LRP2: variants seen among roughly 807,000 people sequenced by gnomAD.
LRP2 encodes the protein LDL receptor related protein 2.
LRP2 carries 172 observed loss-of-function variants against 531.0 expected under a neutral mutation model. The ratio of observed to expected loss-of-function variants is 0.32; its 90% CI spans 0.29 to 0.37. The LOEUF (loss-of-function observed/expected upper bound fraction) is 0.37, where lower values mean the gene tolerates loss of function less well. LRP2 is among the 10% of genes least tolerant of loss of function. The pLI is 1.00. For synonymous variants in LRP2, 1,992 were observed against 2,027.6 expected (o/e 0.98, Z 0.47); for missense variants, 5,167 against 5,868.3 (o/e 0.88, Z 3.90).
At chr2:169,296,994 C>T (rs1684149113) in intron 4 of LRP2, among the ~76,000 whole-genome samples, 1 of 152,182 alleles carries the variant, frequency 6.6e-6, no homozygotes, top group Non-Finnish European at 1.5e-5. Context: ...CCCCTCTCAA[C>T]CCCTGCACAC....
intron 76 of LRP2, among the ~76,000 whole-genome samples, chr2:169,135,371 C>T (rs1306257106): frequency 1.3e-5 from 2 of 152,186 alleles, no homozygotes; most frequent in Non-Finnish European, 2.9e-5. Flanking sequence ...TGGGTAGACA[C>T]TTTCACAGGA....
chr2:169,259,387 T>C (rs1230520408), intron 16 of LRP2, among the ~76,000 whole-genome samples, 170 bp from the exon 17 acceptor site: 1 of 144,292 alleles, frequency 6.9e-6, no homozygotes, highest in Non-Finnish European at 1.5e-5. Context: ...TGCTGAGCAA[T>C]AACATGAGAC....
chr2:169,314,424 T>A (rs866448304), intron 3 of LRP2, among the ~76,000 whole-genome samples: 1 of 143,896 alleles, frequency 6.9e-6, no homozygotes, highest in Non-Finnish European at 1.5e-5. Flanking sequence ...CCCCTGTCTC[T>A]AAAAAAAAAA....
intron 6 of LRP2, 110 bp from the exon 7 acceptor site, chr2:169,292,479 C>T (rs1183930346): frequency 1.3e-6 from 1 of 776,890 alleles, no homozygotes; most frequent in African/African-American, 1.7e-5. Context: ...ATTTCTATAT[C>T]AATTTAATCC....
Position 169,201,864 on chromosome 2 carries a change from T to A in LRP2, c.8216A>T (p.His2739Leu). ...GGTGAAGGCTGTCGGTGAGCAGGTG[T>A]GAAGTGCTAAGAACAGGAAAAACAT... ...SDEMESVCAL[H>L]TCSPTAFTCA... The change falls in exon 44 of 79, where the codon CAC becomes CTC. Residue 2739 changes from histidine (H) to leucine (L), a missense_variant. Physicochemically the swap from His to Leu is moderately conservative, Grantham distance 99. This residue lies in a region of LRP2 where 1,129 missense variants were observed against 1,362.7 expected (regional missense o/e 0.83). Coordinates refer to ENST00000649046, the MANE Select transcript of LRP2 (RefSeq NM_004525.3). The A allele has an allele frequency of 6.2e-7, 1 of 1,614,114 alleles. No individual in the cohort carries two copies. The highest frequency in any genetic ancestry group is 8.5e-7 in the Non-Finnish European group (1 of 1,180,022).
chr2:169,212,080 C>T lies in LRP2; in HGVS notation c.6168G>A (p.Arg2056=). The T allele has an allele frequency of 6.2e-7, 1 of 1,614,016 alleles. No individual in the cohort carries two copies. The highest frequency in any genetic ancestry group is 8.5e-7 in the Non-Finnish European group (1 of 1,179,934). Residue 2056 remains arginine, a synonymous_variant, in exon 37 of 79, where the codon CGG becomes CGA. Coordinates refer to ENST00000649046, the MANE Select transcript of LRP2 (RefSeq NM_004525.3). ...ATGFKLNPDN[R]SCSPYNSFIV... ...TGAAAGAGTTATATGGAGAGCAGGA[C>T]CGATTATCAGGATTGAGTTTAAATC... is the stretch of plus-strand genomic sequence containing the variant.
At chr2:169,283,152 T>C in intron 9 of LRP2, 151 bp from the exon 10 acceptor site, 1 of 749,970 alleles carries the variant, frequency 1.3e-6, no homozygotes, top group Non-Finnish European at 2.4e-6. Context: ...TCTGAGAATT[T>C]ATAACAACCA....
At chr2:169,292,186 G>A in intron 7 of LRP2, 67 bp downstream of exon 7, 1 of 1,244,966 alleles carries the variant, frequency 8.0e-7, no homozygotes, top group Non-Finnish European at 1.2e-6. Context: ...AAGGAAAGGA[G>A]AAAAAACAAG....
At chr2:169,162,098 A>G (rs1229582750) in intron 63 of LRP2, among the ~76,000 whole-genome samples, 2 of 152,216 alleles carry the variant, frequency 1.3e-5, no homozygotes, top group Admixed American at 6.5e-5. Flanking sequence ...TTAAAGTGCT[A>G]AGAGGCACCC....
At chr2:169,337,753 C>T (rs1685443418) in intron 1 of LRP2, among the ~76,000 whole-genome samples, 2 of 152,174 alleles carry the variant, frequency 1.3e-5, no homozygotes, top group Admixed American at 1.3e-4. Flanking sequence ...TGTATGCATG[C>T]ATGTACATCT....
In LRP2 at chr2:169,193,795, C is replaced by T; in HGVS notation, c.8796G>A (p.Gly2932=). 1 of 1,614,134 alleles carries T rather than the reference C, an allele frequency of 6.2e-7. No individual in the cohort carries two copies. Among genetic ancestry groups the T allele is most frequent in the South Asian group, 1.1e-5 (1 of 91,076 alleles). The part of the protein sequence containing the change: ...EWICDGDNDC[G]DMSDEDKRHQ... ...GCCTTTTATCCTCGTCACTCATATCCCCACAGTCATTATCACCGTCACAGA... is the reference window on the plus strand; with the variant it reads ...GCCTTTTATCCTCGTCACTCATATCTCCACAGTCATTATCACCGTCACAGA... Residue 2932 remains glycine, a synonymous_variant, in exon 47 of 79, where the codon GGG becomes GGA. Transcript: ENST00000649046.
chr2:169,228,800 G>A (rs1223091096), intron 31 of LRP2, among the ~76,000 whole-genome samples: 3 of 152,210 alleles, frequency 2.0e-5, no homozygotes, highest in Non-Finnish European at 4.4e-5. Context: ...CATGGTGGGG[G>A]ATGATGCCAG....
At chr2:169,187,940 T>G in intron 49 of LRP2, 30 bp downstream of exon 49, 4 of 1,612,466 alleles carry the variant, frequency 2.5e-6, no homozygotes, top group Non-Finnish European at 3.4e-6. Flanking sequence ...CTCCCCTGTT[T>G]CCTTTTCCCA....
In LRP2 at chr2:169,202,971, T is replaced by C; in HGVS notation, c.8006-12A>G. ...GGCACCATTTGGACCTGAAGAAAGA[T>C]AATCCCAGAAGAAGTAAAAGATGGA... is the stretch of plus-strand genomic sequence containing the variant. On this transcript the variant is annotated splice_polypyrimidine_tract_variant and intron_variant, in intron 42 of 78. Transcript: ENST00000649046. 2 of 1,612,882 alleles carry C rather than the reference T, an allele frequency of 1.2e-6. No individual in the cohort carries two copies. The highest frequency in any genetic ancestry group is 3.3e-5 in the Admixed American group (2 of 60,020).
chr2:169,361,350 G>GTCTCTCTCTCTCTCTCTC (rs1216824209), intron 1 of LRP2, among the ~76,000 whole-genome samples: 1 of 21,966 alleles, frequency 4.6e-5, no homozygotes, highest in African/African-American at 1.9e-4. Context: ...GTCTCTCTCT[G>GTCTCTCTCTCTCTCTCTC]TCTCTCTCTC....
At chr2:169,272,606 C>A (rs1304740606) in intron 15 of LRP2, among the ~76,000 whole-genome samples, 2 of 152,010 alleles carry the variant, frequency 1.3e-5, no homozygotes, top group Non-Finnish European at 2.9e-5. Flanking sequence ...AAAGTTCAAC[C>A]ATATGGAATT....
chr2:169,159,810 C>T (rs1292048000), intron 63 of LRP2, among the ~76,000 whole-genome samples: 1 of 152,162 alleles, frequency 6.6e-6, no homozygotes, highest in Non-Finnish European at 1.5e-5. Flanking sequence ...CATCACTAGA[C>T]TTTGTAATTT....
At chr2:169,201,895 C>G in intron 43 of LRP2, 25 bp from the exon 44 acceptor site, 1 of 1,613,694 alleles carries the variant, frequency 6.2e-7, no homozygotes, top group Non-Finnish European at 8.5e-7. Context: ...AACATGAGAA[C>G]AAACCCTCTT....
chr2:169,282,201 A>G (rs1477623457), intron 10 of LRP2, among the ~76,000 whole-genome samples: 5 of 152,220 alleles, frequency 3.3e-5, no homozygotes, highest in African/African-American at 1.2e-4. Context: ...GTTTCAGAAG[A>G]CACCAAAGAC....
Sources: gnomAD v4.1 joint callset for allele counts (sites outside exome capture counted in the v4.1 genomes callset) on GRCh38, gnomAD v4.1.1 for gene constraint, gnomAD v4.1.1 regional missense constraint, MANE v1.5 for transcripts, NCBI Gene and HGNC (gene_info 2026-07-23, HGNC 2026-07-21) for gene names.